Variants in WWOX observed in about 807,000 individuals in gnomAD.
WWOX encodes the protein WW domain-containing oxidoreductase.
In WWOX, 69 loss-of-function variants were observed where a neutral mutation model predicts 46.2. The ratio of observed to expected loss-of-function variants is 1.49; its 90% CI spans 1.23 to 1.82. WWOX has a LOEUF of 1.82. WWOX is among the 40% of genes most tolerant of loss of function. The pLI is 0.00. For missense variants in WWOX, 919 were observed against 542.6 expected, an observed-to-expected ratio of 1.69 and a Z score of -6.89; for synonymous variants, 359 against 202.6, an observed-to-expected ratio of 1.77 and a Z score of -6.56.
intron 8 of WWOX, among the ~76,000 whole-genome samples, chr16:79,146,526 C>T (rs1224830634): frequency 6.6e-6 from 1 of 152,118 alleles, no homozygotes; most frequent in Non-Finnish European, 1.5e-5. Flanking sequence ...TTACAGTTTG[C>T]GCAAGTCATT....
intron 8 of WWOX, among the ~76,000 whole-genome samples, chr16:79,147,088 C>G (rs2050195689): frequency 6.6e-6 from 1 of 152,170 alleles, no homozygotes; most frequent in Non-Finnish European, 1.5e-5. Context: ...TCTCATTTTA[C>G]CTGTACTCAA....
At chr16:78,929,921 C>T (rs1461949092) in intron 8 of WWOX, among the ~76,000 whole-genome samples, 1 of 152,118 alleles carries the variant, frequency 6.6e-6, no homozygotes, top group East Asian at 1.9e-4. Flanking sequence ...CTAAGAGGTA[C>T]ACGGTAGTTC....
chr16:78,099,695 G>A lies in WWOX; in HGVS notation c.-84G>A, dbSNP rs868247919. The A allele has an allele frequency of 6.9e-7, 1 of 1,450,040 alleles. No individual in the cohort carries two copies. Among genetic ancestry groups the A allele is most frequent in the Non-Finnish European group, 9.1e-7 (1 of 1,100,604 alleles). 89.8% of individuals were successfully genotyped at this position (1,450,040 alleles called of 1,614,324 possible). On this transcript the variant is annotated 5_prime_UTR_variant, in exon 1 of 9. Transcript: ENST00000566780. ...AGCGGTCGGGCCCCGACGCGCGCGG[G>A]TCTCGTTTGGAGCGGGAGTGAGTTC...
chr16:79,199,441 A>C (rs539198096), intron 8 of WWOX, among the ~76,000 whole-genome samples: 1 of 152,314 alleles, frequency 6.6e-6, no homozygotes, highest in Admixed American at 6.5e-5. Flanking sequence ...ACCCTCACAG[A>C]AAGCGTCAAA....
At chr16:78,906,428 C>T (rs977208868) in intron 8 of WWOX, among the ~76,000 whole-genome samples, 2 of 152,172 alleles carry the variant, frequency 1.3e-5, no homozygotes, top group Non-Finnish European at 2.9e-5. Flanking sequence ...AACCCTCCCC[C>T]AAGCTAAAAT....
At chr16:78,996,342 T>C in intron 8 of WWOX, 1 of 977,932 alleles carries the variant, frequency 1.0e-6, no homozygotes, top group Non-Finnish European at 1.2e-6. Context: ...ATAGAAAGGA[T>C]GAAATAGAAA....
At chr16:78,741,526 C>T (rs148737997) in intron 8 of WWOX, among the ~76,000 whole-genome samples, 1,669 of 151,954 alleles carry the variant, frequency 0.011, 35 homozygotes, top group African/African-American at 0.038. Flanking sequence ...CCACTGCACC[C>T]CAGCCTGGGC....
At chr16:78,796,499 C>G (rs1830534585) in intron 8 of WWOX, among the ~76,000 whole-genome samples, 1 of 152,234 alleles carries the variant, frequency 6.6e-6, no homozygotes, top group African/African-American at 2.4e-5. Context: ...TCTGGTGATG[C>G]CTCGAGGAGG....
At chr16:79,020,551 A>G (rs777845973) in intron 8 of WWOX, among the ~76,000 whole-genome samples, 4 of 152,174 alleles carry the variant, frequency 2.6e-5, no homozygotes, top group African/African-American at 4.8e-5. Context: ...ATACAACACA[A>G]TCTATAAATG....
In WWOX at chr16:78,839,716, C is replaced by A. The variant is rs939808782; in HGVS notation, c.1057-371892C>A. Among the ~76,000 whole-genome samples, 3 of 152,090 alleles carry A rather than the reference C, an allele frequency of 2.0e-5. No homozygotes were observed. The South Asian group carries it at 6.2e-4, about 32-fold the overall frequency. ...CATATCTGATTTGGAAAATACATCC[C>A]TGGTGATGTTCCTACCAAGTCACAG... On this transcript the variant is annotated intron_variant, in intron 8 of 8. Coordinates refer to ENST00000566780, the MANE Select transcript of WWOX (RefSeq NM_016373.4).
intron 5 of WWOX, among the ~76,000 whole-genome samples, chr16:78,169,336 C>A (rs1016583050): frequency 2.0e-5 from 3 of 151,954 alleles, no homozygotes; most frequent in Non-Finnish European, 4.4e-5. Flanking sequence ...TCTGGGACAA[C>A]GATAGGTGTG....
At chr16:79,188,523 T>C (rs550343801) in intron 8 of WWOX, among the ~76,000 whole-genome samples, 9 of 152,330 alleles carry the variant, frequency 5.9e-5, no homozygotes, top group East Asian at 5.8e-4. Context: ...AGATGACTAA[T>C]TGGAATGCCT....
intron 6 of WWOX, among the ~76,000 whole-genome samples, chr16:78,399,664 A>C (rs13331309): frequency 0.12 from 17,554 of 152,218 alleles, 1,779 homozygotes; most frequent in African/African-American, 0.27. Context: ...GATTTATATA[A>C]GACTTGGAAA....
chr16:78,514,721 T>C (rs1567616127), intron 8 of WWOX, among the ~76,000 whole-genome samples: 1 of 152,220 alleles, frequency 6.6e-6, no homozygotes, highest in African/African-American at 2.4e-5. Flanking sequence ...AAACAGTATG[T>C]ACAGGGTGGT....
chr16:78,585,881 A>C (rs1472229874), intron 8 of WWOX, among the ~76,000 whole-genome samples: 1 of 151,412 alleles, frequency 6.6e-6, no homozygotes, highest in Non-Finnish European at 1.5e-5. Context: ...TCTCTCTTCC[A>C]AGCTGCGCAT....
At chr16:79,141,406 G>C (rs2050086661) in intron 8 of WWOX, among the ~76,000 whole-genome samples, 1 of 152,176 alleles carries the variant, frequency 6.6e-6, no homozygotes. Flanking sequence ...TGTGTCACAG[G>C]TGCACATCCT....
At chr16:78,714,603 A>C in intron 8 of WWOX, among the ~76,000 whole-genome samples, 1 of 152,286 alleles carries the variant, frequency 6.6e-6, no homozygotes. Flanking sequence ...AGGATGGCAA[A>C]AAGTCAGTTA....
At chr16:78,917,062 A>G (rs549869045) in intron 8 of WWOX, among the ~76,000 whole-genome samples, 54 of 152,312 alleles carry the variant, frequency 3.5e-4, no homozygotes, top group Admixed American at 2.9e-3. Context: ...TCTAAACCAC[A>G]TCTTTCCAGA....
intron 8 of WWOX, among the ~76,000 whole-genome samples, chr16:78,690,372 G>A (rs1214095473): frequency 6.6e-6 from 1 of 152,076 alleles, no homozygotes; most frequent in African/African-American, 2.4e-5. Context: ...GCAGCACAGT[G>A]AGACCCCGTA....
Sources: gnomAD v4.1 joint callset for allele counts (sites outside exome capture counted in the v4.1 genomes callset) on GRCh38, gnomAD v4.1.1 for gene constraint, MANE v1.5 for transcripts, NCBI Gene and HGNC (gene_info 2026-07-23, HGNC 2026-07-21) for gene names.